Variants in ABCB8 observed in about 807,000 individuals in gnomAD.
The protein encoded by ABCB8 is mitochondrial potassium channel ATP-binding subunit.
In ABCB8, 52 loss-of-function variants were observed where a neutral mutation model predicts 73.0. The observed-to-expected ratio is 0.71, with a 90% confidence interval of 0.57 to 0.90. The LOEUF (loss-of-function observed/expected upper bound fraction) is 0.90. Ranked by LOEUF, ABCB8 falls within the 40% of genes least tolerant of loss-of-function variation. The pLI, the probability that ABCB8 is intolerant of heterozygous loss-of-function variation, is 0.00. For synonymous variants in ABCB8, 428 were observed against 423.5 expected, an observed-to-expected ratio of 1.01 and a Z score of -0.13; for missense variants, 909 against 974.6, an observed-to-expected ratio of 0.93 and a Z score of 0.90.
rs1796027726 is a variant in ABCB8, at chr7:151,028,468, T to A, written c.-48T>A. 6.3e-7 allele frequency: 1 copy of A among 1,576,676 alleles called. No individual in the cohort carries two copies. The highest frequency in any genetic ancestry group is 1.4e-5 in the African/African-American group (1 of 74,072). ...AGCCAACATAGAGCCCTCAGTGGGATGAGGGTGAAACTGCTATTGCCGGCG... is the reference window on the plus strand; with the variant it reads ...AGCCAACATAGAGCCCTCAGTGGGAAGAGGGTGAAACTGCTATTGCCGGCG... On this transcript the variant is annotated 5_prime_UTR_variant, in exon 1 of 16. An upstream start codon of the reference 5' UTR is lost. Coordinates refer to ENST00000358849, the MANE Select transcript of ABCB8 (RefSeq NM_007188.5).
intron 13 of ABCB8, among the ~76,000 whole-genome samples, chr7:151,041,509 C>G (rs954852850): frequency 6.6e-6 from 1 of 152,240 alleles, no homozygotes; most frequent in Non-Finnish European, 1.5e-5. Context: ...CTCTGCAAAT[C>G]CCATAGCATC....
chr7:151,036,665 TCCCATTGCTACAGAGC>T lies in ABCB8; in HGVS notation c.1217+20_1217+35del. 1 of 1,578,746 alleles carries T rather than the reference TCCCATTGCTACAGAGC, an allele frequency of 6.3e-7. No individual in the cohort carries two copies. Among genetic ancestry groups the T allele is most frequent in the Non-Finnish European group, 8.6e-7 (1 of 1,156,746 alleles). ...CAGTGCAAAGGTAAGTGGGGGCCGTTCCCATTGCTACAGAGCCCCCTGCCGCCCTCCAGAGCCCTGC... is the reference window on the plus strand; with the variant it reads ...CAGTGCAAAGGTAAGTGGGGGCCGTTCCCCTGCCGCCCTCCAGAGCCCTGC... On this transcript the variant is annotated intron_variant, in intron 9 of 15. Coordinates refer to ENST00000358849, the MANE Select transcript of ABCB8 (RefSeq NM_007188.5).
rs1304729028 is a variant in ABCB8, at chr7:151,041,988, A to G, written c.1645A>G (p.Met549Val). ...QEPVLFGTTI[M>V]ENIRFGKLEA... ...GCCCGTCCTGTTTGGGACGACCATCATGGAAAACATCCGCTTTGGGAAGCT... is the reference window on the plus strand; with the variant it reads ...GCCCGTCCTGTTTGGGACGACCATCGTGGAAAACATCCGCTTTGGGAAGCT... Residue 549 changes from methionine (M) to valine (V), a missense_variant, in exon 14 of 16, where the codon ATG (methionine) becomes GTG (valine). Transcript: ENST00000358849. 4.3e-6 allele frequency: 7 copies of G among 1,612,926 alleles called. No individual in the cohort carries two copies. The highest frequency in any genetic ancestry group is 4.2e-6 in the Non-Finnish European group (5 of 1,179,998).
At chr7:151,042,340 A>G (rs1272549212) in intron 14 of ABCB8, among the ~76,000 whole-genome samples, 3 of 152,198 alleles carry the variant, frequency 2.0e-5, no homozygotes, top group African/African-American at 7.2e-5. Context: ...CTGCAGAGAC[A>G]GGACGGGCTC....
At chr7:151,031,196 G>A (rs772122122) in intron 1 of ABCB8, 5 of 1,210,536 alleles carry the variant, frequency 4.1e-6, no homozygotes, top group Non-Finnish European at 4.7e-6. Flanking sequence ...ATTATGTACC[G>A]GAGTTCTGCC....
At position 151,041,153 on chromosome 7, in the gene ABCB8, T is replaced by A. The variant is rs1163424699; in HGVS notation, c.1538T>A (p.Val513Glu). 1 of 1,611,936 alleles carries A rather than the reference T, an allele frequency of 6.2e-7. No individual in the cohort carries two copies. Among genetic ancestry groups the A allele is most frequent in the Admixed American group, 1.7e-5 (1 of 59,988 alleles). Residue 513 changes from valine to glutamate, a missense_variant, in exon 13 of 16, where the codon GTG becomes GAG. By Grantham distance (121) the Val-to-Glu change is moderately radical. Transcript: ENST00000358849. Reference protein sequence around the residue: ...LERFYDPTAGVVMLDGRDLRT... With the variant: ...LERFYDPTAGEVMLDGRDLRT... The stretch of plus-strand genomic sequence containing the variant: ...CGCTTCTACGACCCCACGGCAGGCG[T>A]GGTGATGCTGGATGGGCGGGACCTG...
chr7:151,041,682 A>G (rs2117235794), intron 13 of ABCB8, among the ~76,000 whole-genome samples: 1 of 152,140 alleles, frequency 6.6e-6, no homozygotes, highest in African/African-American at 2.4e-5. Flanking sequence ...AAGAAAGGCA[A>G]ATGCAAGCCC....
At position 151,036,535 on chromosome 7, in the gene ABCB8, C is replaced by T; in HGVS notation, c.1112-9C>T. 1.2e-6 allele frequency: 2 copies of T among 1,612,234 alleles called. No individual in the cohort carries two copies. The highest frequency in any genetic ancestry group is 1.7e-6 in the Non-Finnish European group (2 of 1,178,282). The stretch of plus-strand genomic sequence containing the variant: ...GGCTTCGTCCTCCCTCACTTCCCCT[C>T]TCCTGCAGGCATGGTCTTGGGTACC... On this transcript the variant is annotated splice_polypyrimidine_tract_variant and intron_variant, in intron 8 of 15. Transcript: ENST00000358849.
chr7:151,040,687 G>T (rs772608763), intron 11 of ABCB8, 53 bp downstream of exon 11: 3 of 1,601,090 alleles, frequency 1.9e-6, no homozygotes, highest in South Asian at 1.1e-5. Flanking sequence ...GGGATGAGGC[G>T]AGTGGATTCG....
chr7:151,036,750 G>A, intron 9 of ABCB8, 101 bp downstream of exon 9: 3 of 1,023,088 alleles, frequency 2.9e-6, no homozygotes, highest in Non-Finnish European at 3.0e-6. Context: ...GGGGCCGACT[G>A]CTGTGCAGCT....
chr7:151,031,433 G>A, intron 1 of ABCB8: 1 of 1,121,492 alleles, frequency 8.9e-7, no homozygotes, highest in Non-Finnish European at 1.2e-6. Context: ...AGGATGAGAT[G>A]AAGACTGCAA....
Position 151,034,526 on chromosome 7 carries a change from C to T in ABCB8, c.586C>T (p.Leu196=). ...GVQGLLTFGY[L]VLLSHVGERM... ...GCAGGGACTGCTGACCTTCGGGTAC[C>T]TGGTGCTGCTGTCCCACGTTGGCGA... Residue 196 remains leucine (L), a synonymous_variant, in exon 4 of 16, where the codon CTG becomes TTG. Transcript: ENST00000358849. 1 of 1,613,504 alleles carries T rather than the reference C, an allele frequency of 6.2e-7. No homozygotes were observed. Among genetic ancestry groups the T allele is most frequent in the East Asian group, 2.2e-5 (1 of 44,880 alleles).
chr7:151,041,953 A>G lies in ABCB8; in HGVS notation c.1618-8A>G. ...ATGGACTCTGTCTCCATAACCCCTC[A>G]CCCACAGGAGCCCGTCCTGTTTGGG... On this transcript the variant is annotated splice_region_variant and splice_polypyrimidine_tract_variant and intron_variant, in intron 13 of 15. Coordinates refer to ENST00000358849, the MANE Select transcript of ABCB8 (RefSeq NM_007188.5). The G allele has an allele frequency of 5.0e-6, 8 of 1,611,878 alleles. No homozygotes were observed. Among genetic ancestry groups the G allele is most frequent in the Non-Finnish European group, 6.8e-6 (8 of 1,179,834 alleles).
rs574156516 is a variant in ABCB8 at position 151,040,527 on chromosome 7, G to T, written c.1281G>T (p.Arg427=). 2.5e-6 allele frequency: 4 copies of T among 1,613,024 alleles called. No homozygotes were observed. Among genetic ancestry groups the T allele is most frequent in the Non-Finnish European group, 3.4e-6 (4 of 1,179,562 alleles). Residue 427 remains arginine, a synonymous_variant, in exon 11 of 16, where the codon CGG becomes CGT. Transcript: ENST00000358849. ...TCCGGGGGCTGAGTGCAGGTGCCCG[G>T]GTCTTTGAGTACATGGCCCTGAACC... ...QVVRGLSAGA[R]VFEYMALNPC...
At chr7:151,040,462 C>G in intron 10 of ABCB8, 36 bp from the exon 11 acceptor site, 1 of 1,594,370 alleles carries the variant, frequency 6.3e-7, no homozygotes, top group South Asian at 1.1e-5. Context: ...CACCCCTACT[C>G]CTGCCTCCCT....
At chr7:151,032,266 A>G (rs896001393) in intron 1 of ABCB8, among the ~76,000 whole-genome samples, 3 of 152,200 alleles carry the variant, frequency 2.0e-5, no homozygotes, top group African/African-American at 7.2e-5. Context: ...GCAGGGCTTC[A>G]AGCTGTTTTG....
Position 151,033,915 on chromosome 7 carries a change from G to C in ABCB8, c.406G>C (p.Val136Leu). ...PHLLVLGVAV[V>L]LALGAALVNV... ...CCTGCTGGTCCTGGGGGTAGCCGTC[G>C]TGGTGAGGCTTTCCCCACTTCTCCA... Residue 136 changes from valine to leucine, a missense_variant and splice_region_variant, in exon 2 of 16, where the codon GTG becomes CTG. Physicochemically the swap from Val to Leu is conservative, Grantham distance 32. Transcript: ENST00000358849. 1 of 1,586,482 alleles carries C rather than the reference G, an allele frequency of 6.3e-7. No homozygotes were observed. The highest frequency in any genetic ancestry group is 8.6e-7 in the Non-Finnish European group (1 of 1,165,104).
chr7:151,037,767 G>A (rs1444818234), intron 9 of ABCB8: 2 of 219,752 alleles, frequency 9.1e-6, no homozygotes, highest in East Asian at 1.2e-4. Context: ...ACCCCTCACT[G>A]CAGGGTGTAC....
chr7:151,033,177 G>A (rs1452593430), intron 1 of ABCB8: 11 of 443,052 alleles, frequency 2.5e-5, no homozygotes, highest in Admixed American at 4.9e-5. Flanking sequence ...GTCCAGTGCC[G>A]GGCACAGGAG....
Sources: gnomAD v4.1 joint callset for allele counts (sites outside exome capture counted in the v4.1 genomes callset) on GRCh38, gnomAD v4.1.1 for gene constraint, MANE v1.5 for transcripts, NCBI Gene and HGNC (gene_info 2026-07-23, HGNC 2026-07-21) for gene names.